SRPK2: variants seen among roughly 807,000 people sequenced by gnomAD.
SRPK2 encodes SRSF protein kinase 2, also known as SFRS protein kinase 2.
In SRPK2, 21 loss-of-function variants were observed where a neutral mutation model predicts 90.8. The observed-to-expected ratio is 0.23, with a 90% CI of 0.16 to 0.33. The LOEUF is 0.33. SRPK2 is among the 10% of genes least tolerant of loss of function. The probability of loss-of-function intolerance (pLI) is 1.00; values close to 1 mark genes in which losing one functional copy is unlikely to be tolerated. For synonymous variants in SRPK2, 288 were observed against 311.1 expected, an observed-to-expected ratio of 0.93 and a Z score of 0.78; for missense variants, 620 against 869.0, an observed-to-expected ratio of 0.71 and a Z score of 3.60.
chr7:105,306,590 G>A (rs1416703065), intron 2 of SRPK2: 1 of 417,050 alleles, frequency 2.4e-6, no homozygotes, highest in East Asian at 7.1e-5. Context: ...AGAAAAAACA[G>A]TCATGAAGAA....
intron 2 of SRPK2, among the ~76,000 whole-genome samples, chr7:105,241,742 C>T (rs1434508063): frequency 6.6e-6 from 1 of 152,098 alleles, no homozygotes; most frequent in Non-Finnish European, 1.5e-5. Flanking sequence ...AAGATCGAGT[C>T]AGACGTGATA....
chr7:105,205,136 A>T (rs1161628777), intron 2 of SRPK2, among the ~76,000 whole-genome samples: 1 of 152,148 alleles, frequency 6.6e-6, no homozygotes, highest in Non-Finnish European at 1.5e-5. Flanking sequence ...ATCCTTGCCC[A>T]ATCTGAGAGC....
At chr7:105,306,782 T>A in intron 2 of SRPK2, 1 of 202,366 alleles carries the variant, frequency 4.9e-6, no homozygotes, top group South Asian at 7.3e-5. Flanking sequence ...TTCTCAGAAT[T>A]AAAAGTAAAA....
At chr7:105,250,224 A>T (rs1802289721) in intron 2 of SRPK2, among the ~76,000 whole-genome samples, 1 of 152,016 alleles carries the variant, frequency 6.6e-6, no homozygotes. Context: ...CCTCCCAGCT[A>T]CTCAGGAGGC....
At chr7:105,147,313 A>C (rs1285577967) in intron 7 of SRPK2, among the ~76,000 whole-genome samples, 1 of 151,910 alleles carries the variant, frequency 6.6e-6, no homozygotes, top group East Asian at 1.9e-4. Context: ...TTATTTTTTA[A>C]ATTTTTTATG....
chr7:105,218,058 G>A (rs901568010), intron 2 of SRPK2, among the ~76,000 whole-genome samples: 2 of 152,158 alleles, frequency 1.3e-5, no homozygotes, highest in African/African-American at 4.8e-5. Flanking sequence ...GCTAGGAAAG[G>A]GCGTTCTAGG....
chr7:105,163,679 C>T (rs1454714994), intron 6 of SRPK2, among the ~76,000 whole-genome samples: 1 of 152,102 alleles, frequency 6.6e-6, no homozygotes, highest in African/African-American at 2.4e-5. Context: ...GGCGTGGTGG[C>T]ACATGCCTGT....
intron 15 of SRPK2, among the ~76,000 whole-genome samples, chr7:105,124,543 A>T (rs1394717302): frequency 6.6e-6 from 1 of 150,614 alleles, no homozygotes; most frequent in Non-Finnish European, 1.5e-5. Context: ...TGTGAAGTTG[A>T]GGCAGGAGAA....
At chr7:105,292,982 A>G (rs908223694) in intron 2 of SRPK2, among the ~76,000 whole-genome samples, 13 of 152,294 alleles carry the variant, frequency 8.5e-5, no homozygotes, top group African/African-American at 3.1e-4. Context: ...CAAGTGGAAC[A>G]TAACAGTATG....
chr7:105,233,309 GAAAA>G (rs1476599225), intron 2 of SRPK2, among the ~76,000 whole-genome samples: 1 of 152,110 alleles, frequency 6.6e-6, no homozygotes, highest in African/African-American at 2.4e-5. Flanking sequence ...CAATAAACCT[GAAAA>G]CCTTACAAAA....
At chr7:105,188,451 A>G (rs547056783) in intron 3 of SRPK2, among the ~76,000 whole-genome samples, 18 of 152,224 alleles carry the variant, frequency 1.2e-4, no homozygotes, top group African/African-American at 4.3e-4. Context: ...AAACCACACA[A>G]TTGTACCCTT....
At chr7:105,321,066 C>G (rs1812883282) in intron 2 of SRPK2, among the ~76,000 whole-genome samples, 1 of 152,176 alleles carries the variant, frequency 6.6e-6, no homozygotes. Context: ...CTCCTGACCC[C>G]AAGTGATCTT....
intron 2 of SRPK2, among the ~76,000 whole-genome samples, chr7:105,228,936 G>A (rs1006921040): frequency 6.6e-6 from 1 of 152,176 alleles, no homozygotes; most frequent in African/African-American, 2.4e-5. Context: ...TGAAGAGGCC[G>A]AGAAAAGCCC....
At chr7:105,116,020 G>T (rs758569091), downstream of SRPK2, among the ~76,000 whole-genome samples, 1 of 152,124 alleles carries the variant, frequency 6.6e-6, no homozygotes, top group Admixed American at 6.5e-5. Flanking sequence ...CCTCACAGTG[G>T]TAATGTGATA....
chr7:105,357,890 G>A (rs886204749), intron 2 of SRPK2, among the ~76,000 whole-genome samples: 1 of 152,078 alleles, frequency 6.6e-6, no homozygotes, highest in Non-Finnish European at 1.5e-5. Flanking sequence ...CTTGAACAAC[G>A]CAGGGATTAG....
At chr7:105,309,975 A>C (rs927871525) in intron 2 of SRPK2, among the ~76,000 whole-genome samples, 2 of 152,226 alleles carry the variant, frequency 1.3e-5, no homozygotes, top group Non-Finnish European at 2.9e-5. Context: ...CTGCACAATG[A>C]CAGAGGTAGG....
intron 3 of SRPK2, among the ~76,000 whole-genome samples, chr7:105,182,452 C>T (rs867347603): frequency 1.7e-5 from 2 of 118,634 alleles, no homozygotes; most frequent in African/African-American, 3.7e-5. Context: ...TCCCCCCCCG[C>T]CTTTTTTTTT....
intron 7 of SRPK2, chr7:105,160,264 C>A (rs1489344087): frequency 4.4e-5 from 12 of 271,988 alleles, no homozygotes; most frequent in Non-Finnish European, 6.2e-5. Flanking sequence ...AAAAAAAAAA[C>A]GACAGGCAAA....
At chr7:105,327,111 C>T (rs1028400058) in intron 2 of SRPK2, among the ~76,000 whole-genome samples, 4 of 151,816 alleles carry the variant, frequency 2.6e-5, no homozygotes, top group Non-Finnish European at 5.9e-5. Context: ...AAAAGAGCCC[C>T]GATAATGAGC....
Sources: gnomAD v4.1 joint callset for allele counts (sites outside exome capture counted in the v4.1 genomes callset) on GRCh38, gnomAD v4.1.1 for gene constraint, MANE v1.5 for transcripts, NCBI Gene and HGNC (gene_info 2026-07-23, HGNC 2026-07-21) for gene names.